The following TFB1M variants were observed in gnomAD, a reference collection of about 807,000 sequenced individuals.
TFB1M encodes dimethyladenosine transferase 1, mitochondrial.
TFB1M carries 27 observed loss-of-function variants against 31.1 expected under a neutral mutation model. That is an observed-to-expected ratio of 0.87 (90% CI 0.64 to 1.20). TFB1M has a LOEUF of 1.20. Among genes scored for constraint, TFB1M ranks in the 50% most tolerant of loss-of-function variants. The pLI, the probability that TFB1M is intolerant of heterozygous loss-of-function variation, is 0.00. For missense variants in TFB1M, 394 were observed against 418.7 expected, an observed-to-expected ratio of 0.94 and a Z score of 0.51; for synonymous variants, 166 against 151.8, an observed-to-expected ratio of 1.09 and a Z score of -0.69.
chr6:155,283,023 G>A (rs530055366), intron 5 of TFB1M, among the ~76,000 whole-genome samples: 12 of 152,094 alleles, frequency 7.9e-5, no homozygotes, highest in South Asian at 2.1e-4. Context: ...CACTGTGCCC[G>A]GCCCAAGAAA....
chr6:155,276,655 T>C lies in TFB1M; in HGVS notation c.666+8503A>G, dbSNP rs921959005. On this transcript the variant is annotated intron_variant, in intron 5 of 6. Transcript: ENST00000367166. The stretch of plus-strand genomic sequence containing the variant: ...TTACATTCATAAGGCAATTATTTGA[T>C]AGCTTTTTCAAGATAATTTGCTGAT... The C allele has an allele frequency of 2.4e-5, 6 of 246,298 alleles. No individual in the cohort carries two copies. In the East Asian group the frequency reaches 2.7e-4, roughly 11 times the overall value. The allele number at this position is 246,298 out of a possible 1,614,324, so 15.3% of individuals were successfully genotyped here. A position where few individuals can be genotyped will look rare whatever the true frequency, so the allele number is the denominator to read the frequency against.
Position 155,259,606 on chromosome 6 carries a change from C to T in TFB1M, c.794+667G>A, listed in dbSNP as rs1335894845. Among the ~76,000 whole-genome samples the T allele has an allele frequency of 9.2e-5, 14 of 152,346 alleles. No individual in the cohort carries two copies. In the South Asian group the frequency reaches 1.0e-3, roughly 11 times the overall value. ...TCTCACGCCGAGCCTCTTTAAACAG[C>T]GGACTATGGATAGATTATCGTAGAT... is the stretch of plus-strand genomic sequence containing the variant. On this transcript the variant is annotated intron_variant, in intron 6 of 6. Coordinates refer to ENST00000367166, the MANE Select transcript of TFB1M (RefSeq NM_016020.4).
chr6:155,291,887 A>G (rs947483249), intron 4 of TFB1M, among the ~76,000 whole-genome samples: 12 of 152,228 alleles, frequency 7.9e-5, no homozygotes, highest in Non-Finnish European at 1.2e-4. Context: ...CACTCAAATT[A>G]TCTGAGAGGA....
chr6:155,249,562 T>G, the TFB1M span, among the ~76,000 whole-genome samples: 2 of 152,240 alleles, frequency 1.3e-5, no homozygotes, highest in Admixed American at 6.5e-5. Flanking sequence ...TCGTGATCCT[T>G]GCTAAGTAGA....
At chr6:155,250,658 C>A in the TFB1M span, 3 of 1,521,934 alleles carry the variant, frequency 2.0e-6, no homozygotes, top group Non-Finnish European at 2.6e-6. Flanking sequence ...GAGTTGGTCA[C>A]AAGGCATGTC....
Position 155,258,015 on chromosome 6 carries a change from G to T in TFB1M, c.862C>A (p.Pro288Thr), listed in dbSNP as rs778645469. 9 of 1,614,160 alleles carry T rather than the reference G, an allele frequency of 5.6e-6. No homozygotes were observed. The highest frequency in any genetic ancestry group is 7.6e-6 in the Non-Finnish European group (9 of 1,180,022). ...GAGAGCTGGCGGGGCCGAAGAGTAG[G>T]GTCTATGTCTGCCAACTCTAACAGC... is the stretch of plus-strand genomic sequence containing the variant. ...GRLLELADIDPTLRPRQLSIS... is the reference protein window; with the variant it reads ...GRLLELADIDTTLRPRQLSIS... The change falls in exon 7 of 7, where the codon CCT becomes ACT. Residue 288 changes from proline to threonine, a missense_variant. Coordinates refer to ENST00000367166, the MANE Select transcript of TFB1M (RefSeq NM_016020.4).
the TFB1M span, chr6:155,245,526 A>T: frequency 9.9e-7 from 1 of 1,007,354 alleles, no homozygotes; most frequent in Non-Finnish European, 1.6e-6. Flanking sequence ...CATTAGTGCT[A>T]TGGAATCTGA....
Position 155,257,377 on chromosome 6 carries a change from C to A in TFB1M, c.*459G>T, listed in dbSNP as rs1784129538. ...GAGCAGGTATCAAATGATTTAGGAT[C>A]CTTAAAATTACATTCTAATAATTAA... On this transcript the variant is annotated 3_prime_UTR_variant, in exon 7 of 7. Transcript: ENST00000367166. 2.3e-6 allele frequency: 1 copy of A among 438,740 alleles called. No individual in the cohort carries two copies. Among genetic ancestry groups the A allele is most frequent in the Non-Finnish European group, 4.0e-6 (1 of 249,900 alleles). The allele number at this position is 438,740 out of a possible 1,614,324, so 27.2% of individuals were successfully genotyped here.
At chr6:155,248,095 C>G in the TFB1M span, 2 of 1,614,236 alleles carry the variant, frequency 1.2e-6, no homozygotes, top group Non-Finnish European at 8.5e-7. Context: ...CAAGCCGGTT[C>G]AGAGAGTGCT....
At chr6:155,234,998 G>T in the TFB1M span, among the ~76,000 whole-genome samples, 1 of 118,356 alleles carries the variant, frequency 8.4e-6, no homozygotes. Flanking sequence ...ACGGAGCACA[G>T]CTAGAGATGG....
At chr6:155,281,276 C>T (rs1420017991) in intron 5 of TFB1M, among the ~76,000 whole-genome samples, 2 of 152,194 alleles carry the variant, frequency 1.3e-5, no homozygotes. Flanking sequence ...CCTATTAACC[C>T]GACCAAGCTC....
At chr6:155,268,049 A>G (rs1408807932) in intron 5 of TFB1M, among the ~76,000 whole-genome samples, 3 of 152,224 alleles carry the variant, frequency 2.0e-5, no homozygotes, top group Non-Finnish European at 2.9e-5. Flanking sequence ...CAGACCGAAG[A>G]TGCCCTTGAC....
chr6:155,265,390 T>C (rs936395510), intron 5 of TFB1M, among the ~76,000 whole-genome samples: 4 of 152,140 alleles, frequency 2.6e-5, no homozygotes, highest in Non-Finnish European at 5.9e-5. Flanking sequence ...CATACAAATA[T>C]AGTAATTCAT....
chr6:155,230,449 CTG>C, the TFB1M span, among the ~76,000 whole-genome samples: 1 of 152,220 alleles, frequency 6.6e-6, no homozygotes, highest in East Asian at 1.9e-4. Flanking sequence ...GTAGCTCTCT[CTG>C]TTGTGTTTCC....
the TFB1M span, chr6:155,243,927 C>G: frequency 2.1e-6 from 2 of 932,832 alleles, no homozygotes; most frequent in South Asian, 2.6e-5. Flanking sequence ...GCCTTGGGAG[C>G]TGCTGCCAGG....
chr6:155,248,561 G>A, the TFB1M span, among the ~76,000 whole-genome samples: 5 of 152,190 alleles, frequency 3.3e-5, no homozygotes, highest in South Asian at 2.1e-4. Context: ...TGTGGGGTTC[G>A]CTGCCCGAGC....
downstream of TFB1M, chr6:155,254,178 C>A: frequency 3.3e-6 from 4 of 1,200,578 alleles, no homozygotes; most frequent in South Asian, 1.5e-5. Context: ...TACTCCCCAC[C>A]CTCCGAAAAA....
chr6:155,231,510 T>A, the TFB1M span, among the ~76,000 whole-genome samples: 4 of 152,232 alleles, frequency 2.6e-5, no homozygotes, highest in African/African-American at 7.2e-5. Flanking sequence ...GTTTTTTAAC[T>A]CCCACCACAC....
the TFB1M span, chr6:155,245,574 C>G: frequency 6.9e-7 from 1 of 1,451,732 alleles, no homozygotes; most frequent in Non-Finnish European, 9.7e-7. Context: ...TAAGCCAGCA[C>G]GCATTGATTA....
Sources: allele counts gnomAD v4.1 joint callset (sites outside exome capture counted in the v4.1 genomes callset), GRCh38; gene constraint gnomAD v4.1.1; transcripts MANE v1.5; gene names NCBI Gene and HGNC (gene_info 2026-07-23, HGNC 2026-07-21).